Variants in CYLC1 observed in about 807,000 individuals in gnomAD.
The protein encoded by CYLC1 is cylicin-1.
In CYLC1, 2 loss-of-function variants were observed where a neutral mutation model predicts 31.6. That is an observed-to-expected ratio of 0.06 (90% CI 0.03 to 0.20). The LOEUF is 0.20. CYLC1 is among the 10% of genes least tolerant of loss of function. The pLI, the probability that CYLC1 is intolerant of heterozygous loss-of-function variation, is 1.00. For synonymous variants in CYLC1, 185 were observed against 153.0 expected (o/e 1.21, Z -1.54); for missense variants, 595 against 424.1 (o/e 1.40, Z -3.54).
At chrX:83,863,819 G>T (rs1254838545) in intron 1 of CYLC1, among the ~76,000 whole-genome samples, 3 of 111,426 alleles carry the variant, frequency 2.7e-5, no homozygotes, top group Non-Finnish European at 5.7e-5. Flanking sequence ...GTTTCCTAAG[G>T]CTACTGTAAG....
chrX:83,884,931 C>T (rs1219733214), intron 4 of CYLC1, among the ~76,000 whole-genome samples: 2 of 110,872 alleles, frequency 1.8e-5, no homozygotes, highest in Non-Finnish European at 1.9e-5. Context: ...ATTACCCAAA[C>T]TCTTTCCTAT....
Position 83,874,400 on chromosome X carries a change from A to G in CYLC1, c.1692A>G (p.Thr564=), listed in dbSNP as rs750874500. Residue 564 remains threonine, a synonymous_variant, in exon 4 of 5, where the codon ACA becomes ACG. Transcript: ENST00000329312. ...AKKKIDESDG[T]SANSKMEGLE... ...AGAAAATTGATGAATCAGATGGCAC[A>G]TCTGCAAATTCAAAGATGGAAGGAC... 8.3e-7 allele frequency: 1 copy of G among 1,210,505 alleles called. No individual in the cohort carries two copies. Among genetic ancestry groups the G allele is most frequent in the Non-Finnish European group, 1.1e-6 (1 of 894,812 alleles).
In CYLC1 at chrX:83,873,171, C is replaced by G. The variant is rs202086052; in HGVS notation, c.463C>G (p.Gln155Glu). 383 of 1,202,492 alleles carry G rather than the reference C, an allele frequency of 3.2e-4. 2 individuals are homozygous for G. The Middle Eastern group carries it at 6.0e-3, about 19-fold the overall frequency. ...KQIVEEKTKR[Q>E]NEADKTPLKS... Reference sequence around the variant, plus strand: ...AATAGTAGAAGAGAAAACTAAAAGACAAAATGAGGCAGATAAAACTCCCTT... The same window carrying G: ...AATAGTAGAAGAGAAAACTAAAAGAGAAAATGAGGCAGATAAAACTCCCTT... The change falls in exon 4 of 5, where the codon CAA becomes GAA. Residue 155 changes from glutamine (Q) to glutamate (E), a missense_variant. Gln to Glu is a conservative substitution (Grantham distance 29). Transcript: ENST00000329312.
Position 83,874,020 on chromosome X carries a change from A to G in CYLC1, c.1312A>G (p.Lys438Glu), listed in dbSNP as rs1219683303. ...AAAGACAGATAATAAAAAGTCTGTC[A>G]AGAATGATGAAGAGTCTACTGATGC... ...DSKTDNKKSV[K>E]NDEESTDADS... The change falls in exon 4 of 5, where the codon AAG (lysine) becomes GAG (glutamate). Residue 438 changes from lysine to glutamate, a missense_variant. Coordinates refer to ENST00000329312, the MANE Select transcript of CYLC1 (RefSeq NM_021118.3). 1.7e-6 allele frequency: 2 copies of G among 1,195,900 alleles called. No individual in the cohort carries two copies. Among genetic ancestry groups the G allele is most frequent in the Admixed American group, 2.3e-5 (1 of 43,915 alleles).
intron 1 of CYLC1, among the ~76,000 whole-genome samples, chrX:83,866,634 A>T (rs1361535328): frequency 9.0e-6 from 1 of 111,041 alleles, no homozygotes; most frequent in Non-Finnish European, 1.9e-5. Flanking sequence ...ATTAAAAAAA[A>T]GGTTCCTCCA....
At position 83,874,219 on chromosome X, in the gene CYLC1, G is replaced by C. The variant is rs372533655; in HGVS notation, c.1511G>C (p.Gly504Ala). The C allele has an allele frequency of 7.5e-6, 9 of 1,203,283 alleles. No homozygotes were observed. Among genetic ancestry groups the C allele is most frequent in the South Asian group, 1.8e-5 (1 of 56,322 alleles). The change falls in exon 4 of 5, where the codon GGT becomes GCT. Residue 504 changes from glycine (G) to alanine (A), a missense_variant. Physicochemically the swap from Gly to Ala is moderately conservative, Grantham distance 60 (BLOSUM62 0). Transcript: ENST00000329312. The stretch of plus-strand genomic sequence containing the variant: ...AAGAAACACTCAAAGGAAAAGAAAG[G>C]TTCAAAGAAAGATATCAAGAAGGAT... ...KDKKHSKEKK[G>A]SKKDIKKDAR... is the part of the protein sequence containing the mutation.
chrX:83,876,881 G>A (rs770977985), intron 4 of CYLC1, among the ~76,000 whole-genome samples: 1 of 110,682 alleles, frequency 9.0e-6, no homozygotes, highest in South Asian at 3.8e-4. Context: ...CTCCCTTTGT[G>A]AGTATATAGC....
chrX:83,871,228 A>C (rs896111367), intron 2 of CYLC1, among the ~76,000 whole-genome samples: 4 of 111,439 alleles, frequency 3.6e-5, no homozygotes, highest in African/African-American at 1.3e-4. Context: ...GTAGAAAATA[A>C]AATTACAAAT....
intron 4 of CYLC1, among the ~76,000 whole-genome samples, chrX:83,876,290 C>A (rs1038824900): frequency 3.6e-5 from 4 of 110,260 alleles, no homozygotes; most frequent in African/African-American, 1.3e-4. Context: ...TCTTTCTCCA[C>A]CAGATTGAGT....
chrX:83,878,464 AATAT>A (rs374168711), intron 4 of CYLC1, among the ~76,000 whole-genome samples: 1 of 21,111 alleles, frequency 4.7e-5, no homozygotes, highest in African/African-American at 1.8e-4. Context: ...AATATATATA[AATAT>A]ATATATAAAT....
rs760673117 is a variant in CYLC1 at position 83,874,235 on chromosome X, C to G, written c.1527C>G (p.Ile509Met). The G allele has an allele frequency of 1.0e-5, 12 of 1,204,489 alleles. No homozygotes were observed. In the East Asian group the frequency reaches 3.0e-4, roughly 30 times the overall value. ...SKEKKGSKKD[I>M]KKDARKDTES... ...AAAAGAAAGGTTCAAAGAAAGATAT[C>G]AAGAAGGATGCAAGAAAGGACACAG... The change falls in exon 4 of 5, where the codon ATC becomes ATG. Residue 509 changes from isoleucine to methionine, a missense_variant. Physicochemically the swap from Ile to Met is conservative, Grantham distance 10. Coordinates refer to ENST00000329312, the MANE Select transcript of CYLC1 (RefSeq NM_021118.3).
chrX:83,875,831 C>T (rs924751420), intron 4 of CYLC1, among the ~76,000 whole-genome samples: 15 of 110,948 alleles, frequency 1.4e-4, no homozygotes, highest in African/African-American at 4.9e-4. Context: ...ATCTTTGTTT[C>T]CTATGCTTGC....
At chrX:83,869,553 C>T (rs956429678) in intron 1 of CYLC1, among the ~76,000 whole-genome samples, 9 of 110,941 alleles carry the variant, frequency 8.1e-5, no homozygotes, top group African/African-American at 2.9e-4. Flanking sequence ...TGATCTCATT[C>T]ATTTTTATGG....
At chrX:83,868,535 A>G (rs944377252) in intron 1 of CYLC1, among the ~76,000 whole-genome samples, 1 of 110,798 alleles carries the variant, frequency 9.0e-6, no homozygotes, top group Non-Finnish European at 1.9e-5. Context: ...TTTACAGTTC[A>G]GCTTTAGGTC....
intron 2 of CYLC1, among the ~76,000 whole-genome samples, chrX:83,870,378 T>C (rs959047308): frequency 2.7e-5 from 3 of 111,395 alleles, no homozygotes; most frequent in Non-Finnish European, 5.7e-5. Flanking sequence ...CCCCTCAGGA[T>C]ACATATAAAA....
chrX:83,874,378 A>T lies in CYLC1; in HGVS notation c.1670A>T (p.Lys557Ile). The change falls in exon 4 of 5, where the codon AAA becomes ATA. Residue 557 changes from lysine (K) to isoleucine (I), a missense_variant. Physicochemically the swap from Lys to Ile is moderately radical, Grantham distance 102. Transcript: ENST00000329312. ...ESLYKPGAKK[K>I]IDESDGTSAN... ...CTATATAAACCTGGGGCTAAGAAGA[A>T]AATTGATGAATCAGATGGCACATCT... The T allele has an allele frequency of 8.3e-7, 1 of 1,210,554 alleles. No homozygotes were observed. The highest frequency in any genetic ancestry group is 1.7e-5 in the African/African-American group (1 of 57,740).
At position 83,873,189 on chromosome X, in the gene CYLC1, A is replaced by T. The variant is rs2031698627; in HGVS notation, c.481A>T (p.Thr161Ser). The change falls in exon 4 of 5, where the codon ACT (threonine) becomes TCT (serine). Residue 161 changes from threonine (T) to serine (S), a missense_variant. Coordinates refer to ENST00000329312, the MANE Select transcript of CYLC1 (RefSeq NM_021118.3). ...KTKRQNEADK[T>S]PLKSSHENEQ... ...TAAAAGACAAAATGAGGCAGATAAA[A>T]CTCCCTTAAAATCATCACATGAAAA... 8.3e-7 allele frequency: 1 copy of T among 1,205,819 alleles called. No individual in the cohort carries two copies. Among genetic ancestry groups the T allele is most frequent in the African/African-American group, 1.7e-5 (1 of 57,403 alleles).
Position 83,873,920 on chromosome X carries a change from A to G in CYLC1, c.1212A>G (p.Thr404=), listed in dbSNP as rs1046344446. The change falls in exon 4 of 5, where the codon ACA becomes ACG. Residue 404 remains threonine (T), a synonymous_variant. Transcript: ENST00000329312. ...DDKKKDAKKI[T]FSTDSESELE... is the part of the protein sequence containing the mutation. ...AGAAAAAGGATGCAAAGAAAATTAC[A>G]TTCTCTACTGATTCTGAATCTGAAC... The G allele has an allele frequency of 8.4e-7, 1 of 1,191,932 alleles. No individual in the cohort carries two copies. The highest frequency in any genetic ancestry group is 1.1e-6 in the Non-Finnish European group (1 of 883,485).
intron 4 of CYLC1, among the ~76,000 whole-genome samples, chrX:83,883,137 T>A (rs754509012): frequency 9.0e-6 from 1 of 111,481 alleles, no homozygotes; most frequent in South Asian, 3.8e-4. Context: ...TTCTCCTTCT[T>A]CTCCAGTTGT....
Sources: gnomAD v4.1 joint callset for allele counts (sites outside exome capture counted in the v4.1 genomes callset) on GRCh38, gnomAD v4.1.1 for gene constraint, MANE v1.5 for transcripts, NCBI Gene and HGNC (gene_info 2026-07-23, HGNC 2026-07-21) for gene names.